LDAH: variants seen among roughly 807,000 people sequenced by gnomAD.
The protein encoded by LDAH is lipid droplet associated hydrolase.
LDAH carries 26 observed loss-of-function variants against 29.6 expected under a neutral mutation model. The observed-to-expected ratio is 0.88, with a 90% CI of 0.64 to 1.22. LDAH has a LOEUF of 1.22. LDAH is among the 50% of genes most tolerant of loss of function. The pLI is 0.00. For synonymous variants in LDAH, 117 were observed against 133.0 expected (o/e 0.88, Z 0.83); for missense variants, 344 against 387.3 (o/e 0.89, Z 0.94).
chr2:20,702,826 G>A (rs1664041148), intron 5 of LDAH, among the ~76,000 whole-genome samples: 1 of 152,118 alleles, frequency 6.6e-6, no homozygotes, highest in South Asian at 2.1e-4. Context: ...TGGAATTTTA[G>A]TTCCAGATTA....
chr2:20,764,339 G>C (rs1393040686), intron 4 of LDAH, among the ~76,000 whole-genome samples: 1 of 152,246 alleles, frequency 6.6e-6, no homozygotes, highest in Non-Finnish European at 1.5e-5. Context: ...GTTAGGTGCT[G>C]ATTGTCTAAG....
chr2:20,698,299 A>G lies in LDAH; in HGVS notation c.786+3271T>C, dbSNP rs1171718740. Reference sequence around the variant, plus strand: ...GTTTAAATACTGTGTGATAAATGCAATATAACTTTACATAGGGAGTAACAT... The same window carrying G: ...GTTTAAATACTGTGTGATAAATGCAGTATAACTTTACATAGGGAGTAACAT... On this transcript the variant is annotated intron_variant, in intron 6 of 6. Transcript: ENST00000237822. The surrounding 1 kb of genome is among the most constrained non-coding windows in gnomAD (Gnocchi z 4.4). Among the ~76,000 whole-genome samples, 1 of 152,224 alleles carries G rather than the reference A, an allele frequency of 6.6e-6. No individual in the cohort carries two copies. The highest frequency in any genetic ancestry group is 1.5e-5 in the Non-Finnish European group (1 of 68,044).
intron 6 of LDAH, among the ~76,000 whole-genome samples, chr2:20,691,014 C>T (rs959852132): frequency 2.0e-5 from 3 of 152,166 alleles, no homozygotes; most frequent in Non-Finnish European, 4.4e-5. Context: ...TACAAATCCA[C>T]AGACAACATT....
rs144638245 is a variant in LDAH, at chr2:20,778,088, GGAAA to G, written c.299-3113_299-3110del. ...CATATTGTTACCAATAAATTGTGGG[GGAAA>G]GAAAGAGAGATCAGACTGTTATTGT... On this transcript the variant is annotated intron_variant, in intron 3 of 6. Coordinates refer to ENST00000237822, the MANE Select transcript of LDAH (RefSeq NM_021925.4). Among the ~76,000 whole-genome samples, 1,055 of 152,252 alleles carry G rather than the reference GGAAA, an allele frequency of 6.9e-3. 16 individuals carry two copies. Among genetic ancestry groups the G allele is most frequent in the African/African-American group, 0.024 (989 of 41,542 alleles).
chr2:20,711,933 A>G (rs1231714302), intron 5 of LDAH, among the ~76,000 whole-genome samples: 2 of 152,250 alleles, frequency 1.3e-5, no homozygotes, highest in African/African-American at 4.8e-5. Context: ...TGCTGCCTCT[A>G]TAGACTCCAC....
chr2:20,697,129 C>G (rs1663550587), intron 6 of LDAH, among the ~76,000 whole-genome samples: 1 of 152,170 alleles, frequency 6.6e-6, no homozygotes, highest in Non-Finnish European at 1.5e-5. Context: ...ACTTGCATGT[C>G]CCACTGGCAT....
chr2:20,746,602 G>A (rs932717669), intron 4 of LDAH, among the ~76,000 whole-genome samples: 7 of 151,850 alleles, frequency 4.6e-5, no homozygotes, highest in African/African-American at 1.7e-4. Flanking sequence ...CCTAGATATT[G>A]TAATGATAAT....
chr2:20,813,977 T>C (rs565081660), intron 1 of LDAH, among the ~76,000 whole-genome samples: 75 of 152,158 alleles, frequency 4.9e-4, no homozygotes, highest in Non-Finnish European at 5.4e-4. Flanking sequence ...GGTTTCCATA[T>C]TTTACATATT....
intron 5 of LDAH, among the ~76,000 whole-genome samples, chr2:20,716,936 G>A (rs1665255590): frequency 6.6e-6 from 1 of 150,384 alleles, no homozygotes; most frequent in African/African-American, 2.4e-5. Context: ...CATACTGTGA[G>A]TTAATAAAAG....
chr2:20,735,151 T>C (rs1256874934), intron 5 of LDAH, among the ~76,000 whole-genome samples: 4 of 152,220 alleles, frequency 2.6e-5, no homozygotes, highest in Non-Finnish European at 5.9e-5. Context: ...TTCTTGAATC[T>C]GTAAATTCAT....
chr2:20,713,306 G>A (rs1664907177), intron 5 of LDAH, among the ~76,000 whole-genome samples: 1 of 152,160 alleles, frequency 6.6e-6, no homozygotes, highest in Non-Finnish European at 1.5e-5. Flanking sequence ...GTAAATGAAG[G>A]AGAAATAAAA....
At chr2:20,704,972 T>C (rs1354484531) in intron 5 of LDAH, among the ~76,000 whole-genome samples, 1 of 152,266 alleles carries the variant, frequency 6.6e-6, no homozygotes, top group Admixed American at 6.5e-5. Flanking sequence ...ATAGCTGTCA[T>C]CCTTGGACTT....
chr2:20,744,885 G>A (rs1338215920), intron 4 of LDAH, among the ~76,000 whole-genome samples: 2 of 152,058 alleles, frequency 1.3e-5, no homozygotes, highest in African/African-American at 4.8e-5. Context: ...ACTGCTTCCT[G>A]TGGGGGTTTC....
chr2:20,760,957 CTCT>C (rs1161768283), intron 4 of LDAH, among the ~76,000 whole-genome samples: 1 of 152,172 alleles, frequency 6.6e-6, no homozygotes, highest in Admixed American at 6.5e-5. Context: ...CACCCCTAAG[CTCT>C]TTCCTTTCAC....
chr2:20,723,791 C>G (rs2149403683), intron 5 of LDAH, among the ~76,000 whole-genome samples: 1 of 152,188 alleles, frequency 6.6e-6, no homozygotes, highest in African/African-American at 2.4e-5. Context: ...GGAAATCCAG[C>G]AGAACTCAGA....
intron 3 of LDAH, among the ~76,000 whole-genome samples, chr2:20,786,167 A>G (rs1670533590): frequency 6.6e-6 from 1 of 152,058 alleles, no homozygotes; most frequent in Admixed American, 6.6e-5. Context: ...TGTTAATGCC[A>G]CTAGAAGCTG....
At chr2:20,763,593 G>A (rs1668831268) in intron 4 of LDAH, among the ~76,000 whole-genome samples, 1 of 152,224 alleles carries the variant, frequency 6.6e-6, no homozygotes, top group Non-Finnish European at 1.5e-5. Flanking sequence ...CCTGGGCCAA[G>A]AAGAGGTAGT....
intron 5 of LDAH, among the ~76,000 whole-genome samples, chr2:20,731,063 T>C (rs914888243): frequency 8.5e-5 from 13 of 152,240 alleles, no homozygotes; most frequent in African/African-American, 2.7e-4. Flanking sequence ...AGAATAATCA[T>C]GTCGATAGCT....
At chr2:20,776,066 AAT>A (rs1482046339) in intron 3 of LDAH, among the ~76,000 whole-genome samples, 6 of 152,206 alleles carry the variant, frequency 3.9e-5, no homozygotes, top group African/African-American at 1.4e-4. Context: ...AATATTTCAA[AAT>A]ATCACAAGAC....
Sources: allele counts gnomAD v4.1 joint callset (sites outside exome capture counted in the v4.1 genomes callset), GRCh38; gene constraint gnomAD v4.1.1; non-coding constraint Gnocchi (gnomAD v3.1); transcripts MANE v1.5; gene names NCBI Gene and HGNC (gene_info 2026-07-23, HGNC 2026-07-21).